DPYD: variants seen among roughly 807,000 people sequenced by gnomAD.
DPYD encodes the protein dihydropyrimidine dehydrogenase [NADP(+)].
DPYD carries 109 observed loss-of-function variants against 116.2 expected under a neutral mutation model. The ratio of observed to expected loss-of-function variants is 0.94; its 90% CI spans 0.80 to 1.10. DPYD has a LOEUF of 1.10. Among genes scored for constraint, DPYD ranks in the 50% least tolerant of loss-of-function variants. The probability of loss-of-function intolerance (pLI) is 0.00; values close to 1 mark genes in which losing one functional copy is unlikely to be tolerated. For synonymous variants in DPYD, 440 were observed against 432.0 expected, an observed-to-expected ratio of 1.02 and a Z score of -0.23; for missense variants, 1,302 against 1,254.5, an observed-to-expected ratio of 1.04 and a Z score of -0.57.
intron 8 of DPYD, among the ~76,000 whole-genome samples, chr1:97,620,212 C>T (rs75761978): frequency 2.4e-4 from 36 of 152,062 alleles, no homozygotes; most frequent in African/African-American, 8.2e-4. Context: ...TTCTTTTTGT[C>T]CTTTTAAAAA....
chr1:97,456,067 A>G (rs1351983315), intron 13 of DPYD, among the ~76,000 whole-genome samples: 1 of 151,838 alleles, frequency 6.6e-6, no homozygotes, highest in Non-Finnish European at 1.5e-5. Context: ...TATAGCACAA[A>G]TCTGTCACAT....
intron 3 of DPYD, among the ~76,000 whole-genome samples, chr1:97,744,501 A>G (rs1047007337): frequency 1.7e-4 from 26 of 152,076 alleles, no homozygotes; most frequent in Non-Finnish European, 3.1e-4. Context: ...CTTAAAACTC[A>G]CATTGCATTG....
intron 5 of DPYD, chr1:97,720,350 A>G: frequency 1.0e-6 from 1 of 985,666 alleles, no homozygotes; most frequent in Non-Finnish European, 1.2e-6. Context: ...GGGTCCCCAA[A>G]GAAAAGTGAG....
At position 97,373,594 on chromosome 1, in the gene DPYD, C is replaced by G; in HGVS notation, c.2025G>C (p.Met675Ile). 6.2e-7 allele frequency: 1 copy of G among 1,613,898 alleles called. No homozygotes were observed. Among genetic ancestry groups the G allele is most frequent in the Non-Finnish European group, 8.5e-7 (1 of 1,179,844 alleles). Reference protein sequence around the residue: ...LELNLSCPHGMGERGMGLACG... With the variant: ...LELNLSCPHGIGERGMGLACG... ...AGGCCAGGCCCATTCCTCTTTCTCCCATGCCATGTGGACATGATAAATTTA... is the reference window on the plus strand; with the variant it reads ...AGGCCAGGCCCATTCCTCTTTCTCCGATGCCATGTGGACATGATAAATTTA... The change falls in exon 16 of 23, where the codon ATG becomes ATC. Residue 675 changes from methionine (M) to isoleucine (I), a missense_variant. By Grantham distance (10) the Met-to-Ile change is conservative. Coordinates refer to ENST00000370192, the MANE Select transcript of DPYD (RefSeq NM_000110.4).
intron 20 of DPYD, among the ~76,000 whole-genome samples, chr1:97,184,184 G>A (rs1657839127): frequency 2.6e-5 from 4 of 152,076 alleles, no homozygotes; most frequent in Admixed American, 2.6e-4. Context: ...CATTTAGGTT[G>A]ATTTAATGTC....
rs1653583374 is a variant in DPYD, at chr1:97,134,017, ATATATATATATATATATAT to A, written c.2623-35404_2623-35386del. Among the ~76,000 whole-genome samples, 89 of 16,140 alleles carry A rather than the reference ATATATATATATATATATAT, an allele frequency of 5.5e-3. 15 individuals are homozygous for A. Among genetic ancestry groups the A allele is most frequent in the African/African-American group, 0.013 (84 of 6,696 alleles). The allele number at this position is 16,140 out of a possible 152,430, so 10.6% of individuals were successfully genotyped here. ...CTGTTTCAAAAAAAAAAAAAAAAAT[ATATATATATATATATATAT>A]ATATATATATATATATATATATATA... On this transcript the variant is annotated intron_variant, in intron 20 of 22. Coordinates refer to ENST00000370192, the MANE Select transcript of DPYD (RefSeq NM_000110.4).
chr1:97,686,472 T>C (rs1660735947), intron 7 of DPYD, among the ~76,000 whole-genome samples: 1 of 150,774 alleles, frequency 6.6e-6, no homozygotes, highest in Admixed American at 6.6e-5. Flanking sequence ...CCGTCTCTAC[T>C]AAAAATACAA....
At chr1:97,548,358 C>T (rs968946165) in intron 12 of DPYD, among the ~76,000 whole-genome samples, 5 of 152,178 alleles carry the variant, frequency 3.3e-5, no homozygotes, top group Non-Finnish European at 5.9e-5. Context: ...AGACCACAGT[C>T]GTTGTGGCAA....
At position 97,245,895 on chromosome 1, in the gene DPYD, C is replaced by T. The variant is rs562709979; in HGVS notation, c.2300-10901G>A. 6.6e-5 allele frequency among the ~76,000 whole-genome samples: 10 copies of T among 152,242 alleles called. No individual in the cohort carries two copies. In the East Asian group the frequency reaches 9.7e-4, roughly 15 times the overall value. ...AAACCATTCCTTTCACTCTCAGCAA[C>T]ACATTCTCTTTCACTTTACAAAGAA... On this transcript the variant is annotated intron_variant, in intron 18 of 22. Coordinates refer to ENST00000370192, the MANE Select transcript of DPYD (RefSeq NM_000110.4).
chr1:97,286,423 T>C (rs1219059429), intron 18 of DPYD, among the ~76,000 whole-genome samples: 2 of 152,156 alleles, frequency 1.3e-5, no homozygotes, highest in Non-Finnish European at 2.9e-5. Context: ...TCAAGGAGTA[T>C]CTTTGTGGCG....
intron 18 of DPYD, among the ~76,000 whole-genome samples, chr1:97,251,391 T>TAAAAAAAAAAAAAAAAAAA (rs10581072): frequency 4.2e-5 from 4 of 95,350 alleles, no homozygotes; most frequent in East Asian, 3.4e-4. Context: ...AAACTCTGTC[T>TAAAAAAAAAAAAAAAAAAA]AAAAAAAAAA....
At chr1:97,219,798 T>C (rs1371993808) in intron 19 of DPYD, among the ~76,000 whole-genome samples, 1 of 152,006 alleles carries the variant, frequency 6.6e-6, no homozygotes, top group Non-Finnish European at 1.5e-5. Flanking sequence ...TTGCCACTCT[T>C]TGGAGACACT....
chr1:97,664,431 A>T (rs1659442297), intron 8 of DPYD, among the ~76,000 whole-genome samples: 2 of 151,930 alleles, frequency 1.3e-5, no homozygotes, highest in Admixed American at 1.3e-4. Flanking sequence ...TTAGTACTTT[A>T]AACTATAGCT....
intron 8 of DPYD, among the ~76,000 whole-genome samples, chr1:97,608,878 G>A (rs895486448): frequency 2.0e-5 from 3 of 151,812 alleles, no homozygotes; most frequent in African/African-American, 7.2e-5. Flanking sequence ...TAATTAGGGA[G>A]ATCAAATAGA....
chr1:97,357,860 C>T (rs761624851), intron 16 of DPYD, among the ~76,000 whole-genome samples: 2 of 152,160 alleles, frequency 1.3e-5, no homozygotes, highest in African/African-American at 2.4e-5. Flanking sequence ...AGGAACAGCT[C>T]CGATCTGCAG....
intron 20 of DPYD, among the ~76,000 whole-genome samples, chr1:97,111,759 G>A (rs1651616341): frequency 6.6e-6 from 1 of 152,014 alleles, no homozygotes; most frequent in African/African-American, 2.4e-5. Flanking sequence ...AGCAATGCCT[G>A]GCTCATTGCA....
At position 97,450,041 on chromosome 1, in the gene DPYD, A is replaced by G; in HGVS notation, c.1905+18T>C. ...ACTTATGCCAATTCTCTTGTTTTAG[A>G]TGTTAAATCACACTTACGTTGTCTG... is the stretch of plus-strand genomic sequence containing the variant. On this transcript the variant is annotated intron_variant, in intron 14 of 22. Coordinates refer to ENST00000370192, the MANE Select transcript of DPYD (RefSeq NM_000110.4). The G allele has an allele frequency of 1.2e-6, 2 of 1,613,700 alleles. No individual in the cohort carries two copies. Among genetic ancestry groups the G allele is most frequent in the African/African-American group, 2.7e-5 (2 of 75,016 alleles).
chr1:97,347,430 G>C (rs1239104485), intron 16 of DPYD, among the ~76,000 whole-genome samples: 1 of 151,900 alleles, frequency 6.6e-6, no homozygotes, highest in Non-Finnish European at 1.5e-5. Flanking sequence ...TACATGACAT[G>C]ATGTTTTCTT....
At chr1:97,651,966 A>C (rs964594542) in intron 8 of DPYD, among the ~76,000 whole-genome samples, 2 of 152,248 alleles carry the variant, frequency 1.3e-5, no homozygotes, top group African/African-American at 4.8e-5. Context: ...TATAATTTTT[A>C]AGCCCACAAA....
Sources: gnomAD v4.1 joint callset for allele counts (sites outside exome capture counted in the v4.1 genomes callset) on GRCh38, gnomAD v4.1.1 for gene constraint, MANE v1.5 for transcripts, NCBI Gene and HGNC (gene_info 2026-07-23, HGNC 2026-07-21) for gene names.